The following MLLT3 variants were observed in gnomAD, a reference collection of about 807,000 sequenced individuals.
MLLT3 encodes the protein protein AF-9.
In MLLT3, 4 loss-of-function variants were observed where a neutral mutation model predicts 53.2. The observed-to-expected ratio is 0.08, with a 90% confidence interval of 0.04 to 0.17. The LOEUF (loss-of-function observed/expected upper bound fraction) is 0.17, where lower values mean the gene tolerates loss of function less well. MLLT3 is among the 10% of genes least tolerant of loss of function. The probability of loss-of-function intolerance (pLI) is 1.00; values close to 1 mark genes in which losing one functional copy is unlikely to be tolerated. For synonymous variants in MLLT3, 283 were observed against 230.6 expected (o/e 1.23, Z -2.06); for missense variants, 569 against 684.0 (o/e 0.83, Z 1.87).
intron 2 of MLLT3, among the ~76,000 whole-genome samples, chr9:20,501,823 G>A (rs1825242765): frequency 6.8e-6 from 1 of 147,148 alleles, no homozygotes; most frequent in East Asian, 2.0e-4. Flanking sequence ...GCTCAGACCT[G>A]TAATCCCAGC....
At chr9:20,580,032 A>T (rs927432348) in intron 2 of MLLT3, among the ~76,000 whole-genome samples, 1 of 152,194 alleles carries the variant, frequency 6.6e-6, no homozygotes, top group Admixed American at 6.6e-5. Flanking sequence ...AGGCCCATTA[A>T]ATAAAGAAAG....
chr9:20,575,688 TAGGTCTCAA>T (rs1337843290), intron 2 of MLLT3, among the ~76,000 whole-genome samples: 2 of 152,122 alleles, frequency 1.3e-5, no homozygotes, highest in East Asian at 3.9e-4. Context: ...TTCTGAGCAG[TAGGTCTCAA>T]TAGTGGACTT....
intron 4 of MLLT3, among the ~76,000 whole-genome samples, chr9:20,429,622 C>T (rs772497289): frequency 9.9e-5 from 15 of 152,176 alleles, no homozygotes; most frequent in South Asian, 4.2e-4. Flanking sequence ...AGTACTTTGG[C>T]GTGACAAAAA....
chr9:20,483,551 A>G (rs189179705), intron 2 of MLLT3, among the ~76,000 whole-genome samples: 1 of 151,930 alleles, frequency 6.6e-6, no homozygotes, highest in East Asian at 1.9e-4. Context: ...CAATTTTTAA[A>G]AGGAGAAAAT....
At chr9:20,588,636 C>T (rs577008357) in intron 2 of MLLT3, among the ~76,000 whole-genome samples, 33 of 152,236 alleles carry the variant, frequency 2.2e-4, no homozygotes, top group Admixed American at 1.5e-3. Flanking sequence ...TGATTTGCCT[C>T]TCTGTTTGTC....
intron 2 of MLLT3, among the ~76,000 whole-genome samples, chr9:20,478,447 G>C (rs1189532468): frequency 1.3e-5 from 2 of 152,094 alleles, no homozygotes; most frequent in African/African-American, 4.8e-5. Flanking sequence ...CATGCCTCTT[G>C]AAAGTAAGCC....
At chr9:20,494,003 G>A (rs1224069400) in intron 2 of MLLT3, among the ~76,000 whole-genome samples, 1 of 151,996 alleles carries the variant, frequency 6.6e-6, no homozygotes, top group Non-Finnish European at 1.5e-5. Context: ...CATCTGAAAT[G>A]CAGATGAAAA....
intron 2 of MLLT3, among the ~76,000 whole-genome samples, chr9:20,462,454 C>T (rs941407702): frequency 6.6e-6 from 1 of 152,124 alleles, no homozygotes; most frequent in African/African-American, 2.4e-5. Context: ...CAATAAGGAA[C>T]TGTAGCCACC....
chr9:20,485,850 A>G (rs1375324214), intron 2 of MLLT3, among the ~76,000 whole-genome samples: 1 of 152,246 alleles, frequency 6.6e-6, no homozygotes, highest in Non-Finnish European at 1.5e-5. Context: ...ATTGGGGAAT[A>G]AGGTGAAATT....
chr9:20,479,258 T>G (rs114304695), intron 2 of MLLT3, among the ~76,000 whole-genome samples: 2,392 of 152,266 alleles, frequency 0.016, 66 homozygotes, highest in African/African-American at 0.054. Flanking sequence ...TCAGGTTTCT[T>G]AGGAAAGTTG....
At chr9:20,465,757 T>C (rs763534979) in intron 2 of MLLT3, among the ~76,000 whole-genome samples, 5 of 152,070 alleles carry the variant, frequency 3.3e-5, no homozygotes, top group Non-Finnish European at 7.4e-5. Context: ...TACTTCTTTT[T>C]CCCCCCTGCA....
At chr9:20,426,312 C>A (rs1482577261) in intron 4 of MLLT3, among the ~76,000 whole-genome samples, 2 of 152,190 alleles carry the variant, frequency 1.3e-5, no homozygotes, top group East Asian at 3.9e-4. Context: ...CTTTATTAAA[C>A]CAGCTTAAAA....
chr9:20,375,340 TTAAAGCAGTGTTCTGAACATAC>T (rs1222198196), intron 5 of MLLT3, among the ~76,000 whole-genome samples: 4 of 152,212 alleles, frequency 2.6e-5, no homozygotes, highest in Admixed American at 2.6e-4. Flanking sequence ...GGCAATTAAT[TTAAAGCAGTGTTCTGAACATAC>T]TAACACCCTT....
intron 4 of MLLT3, among the ~76,000 whole-genome samples, chr9:20,421,812 C>G (rs1823015247): frequency 1.3e-5 from 2 of 151,662 alleles, no homozygotes; most frequent in African/African-American, 4.8e-5. Context: ...ACTTAAATAC[C>G]AAAAGAATCA....
chr9:20,620,784 T>C lies in MLLT3; in HGVS notation c.63A>G (p.Lys21=), dbSNP rs770240897. 4 of 1,614,094 alleles carry C rather than the reference T, an allele frequency of 2.5e-6. No homozygotes were observed. Among genetic ancestry groups the C allele is most frequent in the Non-Finnish European group, 3.4e-6 (4 of 1,180,010 alleles). The change falls in exon 2 of 11, where the codon AAA becomes AAG. Residue 21 remains lysine (K), a synonymous_variant. Transcript: ENST00000380338. The surrounding 1 kb of genome is among the most constrained non-coding windows in gnomAD (Gnocchi z 6.1). ...LELGHRAQVR[K]KPTVEGFTHD... is the part of the protein sequence containing the mutation. Reference sequence around the variant, plus strand: ...GGGTGAAGCCCTCCACGGTGGGTTTTTTCCTCACCTGGGCGCGGTGCCCCA... The same window carrying C: ...GGGTGAAGCCCTCCACGGTGGGTTTCTTCCTCACCTGGGCGCGGTGCCCCA...
chr9:20,447,479 C>T (rs927616515), intron 4 of MLLT3, among the ~76,000 whole-genome samples: 2 of 152,166 alleles, frequency 1.3e-5, no homozygotes, highest in African/African-American at 4.8e-5. Flanking sequence ...AGTGTTTGTA[C>T]AGCTGACCCA....
chr9:20,589,439 T>TG (rs1205235831), intron 2 of MLLT3, among the ~76,000 whole-genome samples: 62 of 55,438 alleles, frequency 1.1e-3, no homozygotes, highest in African/African-American at 4.1e-3. Context: ...TGTTGTGGGG[T>TG]GGGGGGAGGG....
chr9:20,496,584 C>A (rs889373932), intron 2 of MLLT3, among the ~76,000 whole-genome samples: 4 of 152,106 alleles, frequency 2.6e-5, no homozygotes, highest in African/African-American at 9.7e-5. Flanking sequence ...ACTACAATTA[C>A]AAAGCTCATT....
chr9:20,606,631 T>C (rs944368578), intron 2 of MLLT3, among the ~76,000 whole-genome samples: 2 of 152,114 alleles, frequency 1.3e-5, no homozygotes, highest in Admixed American at 6.5e-5. Flanking sequence ...AAAAATTCAC[T>C]CAGTGTCTTT....
Sources: allele counts gnomAD v4.1 joint callset (sites outside exome capture counted in the v4.1 genomes callset), GRCh38; gene constraint gnomAD v4.1.1; non-coding constraint Gnocchi (gnomAD v3.1); transcripts MANE v1.5; gene names NCBI Gene and HGNC (gene_info 2026-07-23, HGNC 2026-07-21).